RNF152: variants seen among roughly 807,000 people sequenced by gnomAD.
RNF152 encodes E3 ubiquitin-protein ligase RNF152.
In RNF152, 11 loss-of-function variants were observed where a neutral mutation model predicts 12.7. The observed-to-expected ratio is 0.86, with a 90% CI of 0.54 to 1.43. The LOEUF (loss-of-function observed/expected upper bound fraction) is 1.43, where lower values mean the gene tolerates loss of function less well. RNF152 is among the 40% of genes most tolerant of loss of function. The pLI, the probability that RNF152 is intolerant of heterozygous loss-of-function variation, is 0.00. For synonymous variants in RNF152, 113 were observed against 120.3 expected (o/e 0.94, Z 0.40); for missense variants, 255 against 274.8 (o/e 0.93, Z 0.51).
chr18:61,894,184 A>AGGC (rs1175913865), upstream of RNF152: 12 of 151,200 alleles, frequency 7.9e-5, no homozygotes, highest in African/African-American at 2.4e-4. This position sits in a 1 kb window ranked among gnomAD's most constrained non-coding sequence, Gnocchi z 4.9. Context: ...CTCGCTACAG[A>AGGC]GGCGGCGGCG....
chr18:61,858,696 T>C (rs1481342020), intron 1 of RNF152, among the ~76,000 whole-genome samples: 1 of 152,168 alleles, frequency 6.6e-6, no homozygotes, highest in Non-Finnish European at 1.5e-5. Context: ...CTAAAACTTC[T>C]ATATTCCATG....
chr18:61,823,056 T>C (rs533823239), intron 1 of RNF152, among the ~76,000 whole-genome samples: 4 of 152,384 alleles, frequency 2.6e-5, no homozygotes, highest in African/African-American at 7.2e-5. Context: ...GTGACAGATG[T>C]GTCATTGACT....
chr18:61,854,730 T>A (rs1911141089), intron 1 of RNF152, among the ~76,000 whole-genome samples: 1 of 152,126 alleles, frequency 6.6e-6, no homozygotes, highest in African/African-American at 2.4e-5. Flanking sequence ...CACTAGCACA[T>A]CAGGGAGAAA....
intron 1 of RNF152, among the ~76,000 whole-genome samples, chr18:61,869,160 C>T (rs1156723664): frequency 6.6e-6 from 1 of 152,170 alleles, no homozygotes; most frequent in Non-Finnish European, 1.5e-5. Flanking sequence ...AAAGCCCAGT[C>T]TTAATCATTT....
At chr18:61,818,816 G>A (rs1348988086) in intron 1 of RNF152, among the ~76,000 whole-genome samples, 1 of 152,140 alleles carries the variant, frequency 6.6e-6, no homozygotes, top group Non-Finnish European at 1.5e-5. Context: ...TCTACTATGT[G>A]TCAAGCGTGA....
chr18:61,813,296 A>T lies in RNF152; in HGVS notation c.*2556T>A, dbSNP rs1908902360. 6.6e-6 allele frequency: 1 copy of T among 151,894 alleles called. No homozygotes were observed. The highest frequency in any genetic ancestry group is 2.1e-4 in the South Asian group (1 of 4,790). The allele number at this position is 151,894 out of a possible 1,614,324, so 9.4% of individuals were successfully genotyped here. On this transcript the variant is annotated 3_prime_UTR_variant, in exon 2 of 2. Transcript: ENST00000312828. ...CTCTCTCTCACACACACACACACAC[A>T]CACACACACACACACACACATACAC...
At position 61,892,779 on chromosome 18, in the gene RNF152, G is replaced by C. The variant is rs549400573; in HGVS notation, c.-136+16C>G. On this transcript the variant is annotated intron_variant, in intron 1 of 1. Transcript: ENST00000312828. ...CCCAGAGACACCCAGGCGCTACCCAGATCGTGGGGGGTTACCTGTATCTGT... is the reference window on the plus strand; with the variant it reads ...CCCAGAGACACCCAGGCGCTACCCACATCGTGGGGGGTTACCTGTATCTGT... 1 of 152,324 alleles carries C rather than the reference G, an allele frequency of 6.6e-6. No homozygotes were observed. Among genetic ancestry groups the C allele is most frequent in the Admixed American group, 6.5e-5 (1 of 15,310 alleles). The allele number at this position is 152,324 out of a possible 1,614,324, so 9.4% of individuals were successfully genotyped here.
chr18:61,833,846 T>C (rs187560056), intron 1 of RNF152, among the ~76,000 whole-genome samples: 4 of 152,140 alleles, frequency 2.6e-5, no homozygotes, highest in Admixed American at 2.6e-4. Context: ...CCTCTCTCAA[T>C]TATAGCTACT....
At position 61,811,186 on chromosome 18, in the gene RNF152, A is replaced by G. The variant is rs1912963652; in HGVS notation, c.*4666T>C. On this transcript the variant is annotated 3_prime_UTR_variant, in exon 2 of 2. Coordinates refer to ENST00000312828, the MANE Select transcript of RNF152 (RefSeq NM_173557.3). Reference sequence around the variant, plus strand: ...ATTTTGTATATATTCCATTTGGAAAACAATGAAAAGCAGACTAACCAATTT... The same window carrying G: ...ATTTTGTATATATTCCATTTGGAAAGCAATGAAAAGCAGACTAACCAATTT... 6.6e-6 allele frequency: 1 copy of G among 152,222 alleles called. No individual in the cohort carries two copies. Among genetic ancestry groups the G allele is most frequent in the Admixed American group, 6.5e-5 (1 of 15,282 alleles). 9.4% of individuals were successfully genotyped at this position (152,222 alleles called of 1,614,324 possible). A position where few individuals can be genotyped will look rare whatever the true frequency, so the allele number is the denominator to read the frequency against.
chr18:61,850,628 G>GA (rs1280755110), intron 1 of RNF152, among the ~76,000 whole-genome samples: 1 of 152,056 alleles, frequency 6.6e-6, no homozygotes, highest in Non-Finnish European at 1.5e-5. Context: ...GGGAATCTTG[G>GA]AAAAAGGAGG....
rs144135723 is a variant in RNF152, at chr18:61,816,354, A to G, written c.110T>C (p.Val37Ala). 4.1e-3 allele frequency: 6,620 copies of G among 1,614,194 alleles called. 17 individuals carry two copies. The highest frequency in any genetic ancestry group is 5.1e-3 in the Non-Finnish European group (6,012 of 1,180,026). ...LLDCKHTCCS[V>A]CLQQMRTSQK... is the part of the protein sequence containing the mutation. Reference sequence around the variant, plus strand: ...GCTGGTCCTCATCTGCTGCAGGCACACTGAACAGCAGGTGTGCTTGCAGTC... The same window carrying G: ...GCTGGTCCTCATCTGCTGCAGGCACGCTGAACAGCAGGTGTGCTTGCAGTC... Residue 37 changes from valine (V) to alanine (A), a missense_variant, in exon 2 of 2, where the codon GTG becomes GCG. Physicochemically the swap from Val to Ala is moderately conservative, Grantham distance 64 (BLOSUM62 0). Transcript: ENST00000312828.
At chr18:61,872,550 C>T (rs934051699) in intron 1 of RNF152, among the ~76,000 whole-genome samples, 16 of 152,144 alleles carry the variant, frequency 1.1e-4, no homozygotes, top group African/African-American at 2.7e-4. Flanking sequence ...AATCATGCCC[C>T]TCTCCCAACC....
At position 61,829,555 on chromosome 18, in the gene RNF152, GGAGA is replaced by G. The variant is rs1487299713; in HGVS notation, c.-135-12961_-135-12958del. ...GAGAGAGAGAGAGATACTGGGAGAG[GGAGA>G]GAGAGAGATTGGGGGAAGGAGAGAG... On this transcript the variant is annotated intron_variant, in intron 1 of 1. Coordinates refer to ENST00000312828, the MANE Select transcript of RNF152 (RefSeq NM_173557.3). Among the ~76,000 whole-genome samples the G allele has an allele frequency of 2.0e-5, 3 of 148,326 alleles. No individual in the cohort carries two copies. In the Admixed American group the frequency reaches 2.0e-4, roughly 10 times the overall value.
intron 1 of RNF152, among the ~76,000 whole-genome samples, chr18:61,850,508 T>G (rs887121577): frequency 8.5e-5 from 13 of 152,308 alleles, no homozygotes; most frequent in Admixed American, 2.0e-4. Context: ...ATCACTATTA[T>G]GATCACCATC....
At chr18:61,884,449 A>C (rs1334157349) in intron 1 of RNF152, among the ~76,000 whole-genome samples, 1 of 152,078 alleles carries the variant, frequency 6.6e-6, no homozygotes, top group East Asian at 1.9e-4. Context: ...CATTACAAAA[A>C]AAAAAAAAAG....
chr18:61,817,438 G>A (rs1481639014), intron 1 of RNF152, among the ~76,000 whole-genome samples: 2 of 152,174 alleles, frequency 1.3e-5, no homozygotes, highest in East Asian at 1.9e-4. Context: ...ACTTAAGTAC[G>A]AATTTTTTGA....
chr18:61,889,362 T>C (rs146125677), intron 1 of RNF152, among the ~76,000 whole-genome samples: 1 of 152,330 alleles, frequency 6.6e-6, no homozygotes, highest in Non-Finnish European at 1.5e-5. Context: ...GCTTAAGGTA[T>C]TTATCAAATC....
At chr18:61,888,755 CAG>C (rs1048851282) in intron 1 of RNF152, 1 of 152,220 alleles carries the variant, frequency 6.6e-6, no homozygotes, top group African/African-American at 2.4e-5. Context: ...ATCATGGAGT[CAG>C]ACTGCTGGAT....
chr18:61,879,588 G>C (rs775571462), intron 1 of RNF152, among the ~76,000 whole-genome samples: 1 of 152,164 alleles, frequency 6.6e-6, no homozygotes, highest in Non-Finnish European at 1.5e-5. Flanking sequence ...CAAAGGAATG[G>C]GAATACAAAA....
Sources: gnomAD v4.1 joint callset for allele counts (sites outside exome capture counted in the v4.1 genomes callset) on GRCh38, gnomAD v4.1.1 for gene constraint, Gnocchi (gnomAD v3.1) non-coding constraint, MANE v1.5 for transcripts, NCBI Gene and HGNC (gene_info 2026-07-23, HGNC 2026-07-21) for gene names.